PLPPR1: variants seen among roughly 807,000 people sequenced by gnomAD.
PLPPR1 encodes phospholipid phosphatase related 1, also known as phospholipid phosphatase-related protein type 1.
Under a neutral mutation model 33.1 loss-of-function variants are expected in PLPPR1, and 10 were observed. The ratio of observed to expected loss-of-function variants is 0.30; its 90% confidence interval spans 0.19 to 0.51. PLPPR1 has a LOEUF of 0.51. Ranked by LOEUF, PLPPR1 falls within the 20% of genes least tolerant of loss-of-function variation. The probability of loss-of-function intolerance (pLI) is 0.97; values close to 1 mark genes in which losing one functional copy is unlikely to be tolerated. For synonymous variants in PLPPR1, 151 were observed against 151.0 expected (o/e 1.00, Z 0.00); for missense variants, 304 against 408.1 (o/e 0.74, Z 2.20).
chr9:101,252,494 T>C (rs1179510230), intron 2 of PLPPR1, among the ~76,000 whole-genome samples: 1 of 152,108 alleles, frequency 6.6e-6, no homozygotes, highest in Non-Finnish European at 1.5e-5. Context: ...AAAGACATTA[T>C]CTTAGTGGCA....
intron 1 of PLPPR1, among the ~76,000 whole-genome samples, chr9:101,034,713 G>A (rs1192706966): frequency 6.6e-6 from 1 of 151,990 alleles, no homozygotes; most frequent in Non-Finnish European, 1.5e-5. Flanking sequence ...CCTAATAAAT[G>A]GAGAGTATTA....
chr9:101,234,977 A>AT (rs1216272852), intron 2 of PLPPR1, among the ~76,000 whole-genome samples: 2 of 152,002 alleles, frequency 1.3e-5, no homozygotes, highest in South Asian at 2.1e-4. Flanking sequence ...GAGTACAGGG[A>AT]TTTTTTTAAA....
rs111312724 is a variant in PLPPR1 at position 101,203,359 on chromosome 9, G to T, written c.63+17802G>T. ...TATAGGATTTAAGCAGAGACCTTAG[G>T]GGGGGAAAAAGACTTTATGGTCCTT... is the stretch of plus-strand genomic sequence containing the variant. On this transcript the variant is annotated intron_variant, in intron 2 of 7. Transcript: ENST00000374874. 8.5e-3 allele frequency among the ~76,000 whole-genome samples: 1,293 copies of T among 152,144 alleles called. 24 individuals carry two copies. The highest frequency in any genetic ancestry group is 0.027 in the African/African-American group (1,109 of 41,532).
chr9:101,145,254 A>G (rs1358132200), intron 1 of PLPPR1, among the ~76,000 whole-genome samples: 1 of 152,222 alleles, frequency 6.6e-6, no homozygotes, highest in African/African-American at 2.4e-5. Flanking sequence ...AATAGCTAAG[A>G]GAGTAGATTT....
intron 2 of PLPPR1, among the ~76,000 whole-genome samples, chr9:101,211,133 C>T (rs905850617): frequency 2.6e-5 from 4 of 152,106 alleles, no homozygotes; most frequent in African/African-American, 4.8e-5. Context: ...AATTAATGTT[C>T]AGAAAAGATA....
chr9:101,144,586 C>T (rs759327256), intron 1 of PLPPR1, among the ~76,000 whole-genome samples: 1 of 152,066 alleles, frequency 6.6e-6, no homozygotes, highest in Non-Finnish European at 1.5e-5. Context: ...CAGAAAAAAA[C>T]CAAACCTATT....
intron 1 of PLPPR1, chr9:101,125,830 GT>G: frequency 1.6e-6 from 1 of 634,990 alleles, no homozygotes; most frequent in East Asian, 3.2e-5. Context: ...GCTTCATTTT[GT>G]TTTCCACCAA....
At chr9:101,136,854 A>T (rs1463703537) in intron 1 of PLPPR1, among the ~76,000 whole-genome samples, 1 of 152,162 alleles carries the variant, frequency 6.6e-6, no homozygotes, top group African/African-American at 2.4e-5. Flanking sequence ...GGAATGGTTA[A>T]TGGGTCTAAA....
In PLPPR1 at chr9:101,059,901, T is replaced by TA. The variant is rs1830323829; in HGVS notation, c.-46+30800dup. 2.0e-5 allele frequency among the ~76,000 whole-genome samples: 3 copies of TA among 152,162 alleles called. No homozygotes were observed. The South Asian group carries it at 6.2e-4, about 31-fold the overall frequency. On this transcript the variant is annotated intron_variant, in intron 1 of 7. Coordinates refer to ENST00000374874, the MANE Select transcript of PLPPR1 (RefSeq NM_207299.2). ...TTAGTACAGCCATTATGGAAAACAG[T>TA]ATGAAGGTTGCTTTAAAAATTATCT...
intron 1 of PLPPR1, among the ~76,000 whole-genome samples, chr9:101,037,789 A>AT (rs555184964): frequency 5.8e-4 from 78 of 133,842 alleles, no homozygotes; most frequent in East Asian, 1.9e-3. Flanking sequence ...ATCTGTCTGT[A>AT]TTTTTTTTTT....
intron 7 of PLPPR1, among the ~76,000 whole-genome samples, chr9:101,318,066 C>T (rs895313777): frequency 7.2e-5 from 11 of 152,168 alleles, no homozygotes; most frequent in African/African-American, 2.2e-4. Context: ...CATGGTGGCT[C>T]ACACCTGTAA....
At position 101,169,528 on chromosome 9, in the gene PLPPR1, C is replaced by T. The variant is rs192805315; in HGVS notation, c.-45-15922C>T. ...ATTAGTTTATTTTGACATTATCATG[C>T]TTTCTGCTTTCTTCTCAACTGCTTC... On this transcript the variant is annotated intron_variant, in intron 1 of 7. Transcript: ENST00000374874. Among the ~76,000 whole-genome samples, 59 of 152,198 alleles carry T rather than the reference C, an allele frequency of 3.9e-4. No individual in the cohort carries two copies. In the East Asian group the frequency reaches 0.011, roughly 27 times the overall value.
intron 1 of PLPPR1, among the ~76,000 whole-genome samples, chr9:101,134,550 A>T (rs962513472): frequency 1.3e-5 from 2 of 151,666 alleles, no homozygotes; most frequent in African/African-American, 4.8e-5. Context: ...GCCTGGCTAA[A>T]TTTTTTATTT....
intron 3 of PLPPR1, among the ~76,000 whole-genome samples, chr9:101,282,056 T>C (rs1266817117): frequency 1.3e-5 from 2 of 152,198 alleles, no homozygotes; most frequent in Non-Finnish European, 2.9e-5. Context: ...AAGGAGGGAC[T>C]ACTTCCAAAT....
chr9:101,225,410 A>T (rs1827042774), intron 2 of PLPPR1, among the ~76,000 whole-genome samples: 1 of 152,156 alleles, frequency 6.6e-6, no homozygotes, highest in South Asian at 2.1e-4. Flanking sequence ...AACGAGAGCC[A>T]TGCCTCACCT....
intron 1 of PLPPR1, among the ~76,000 whole-genome samples, chr9:101,055,049 CT>C (rs1830265088): frequency 6.6e-6 from 1 of 152,304 alleles, no homozygotes; most frequent in African/African-American, 2.4e-5. Context: ...TAGTTCAGTT[CT>C]TAAAATTCCA....
intron 1 of PLPPR1, among the ~76,000 whole-genome samples, chr9:101,099,915 A>G (rs1189144493): frequency 6.6e-6 from 1 of 152,128 alleles, no homozygotes; most frequent in African/African-American, 2.4e-5. Flanking sequence ...AGAGTTTTCC[A>G]CTAATGTCCA....
intron 2 of PLPPR1, among the ~76,000 whole-genome samples, chr9:101,232,292 T>C (rs1204534840): frequency 6.6e-6 from 1 of 152,046 alleles, no homozygotes; most frequent in African/African-American, 2.4e-5. Flanking sequence ...CTCCTGGTTC[T>C]GCAAAAACTG....
intron 1 of PLPPR1, among the ~76,000 whole-genome samples, chr9:101,040,397 C>T (rs548893145): frequency 6.6e-6 from 1 of 152,150 alleles, no homozygotes; most frequent in African/African-American, 2.4e-5. Context: ...AAGAAACTGT[C>T]CAGCCTCTCC....
Sources: allele counts gnomAD v4.1 joint callset (sites outside exome capture counted in the v4.1 genomes callset), GRCh38; gene constraint gnomAD v4.1.1; transcripts MANE v1.5; gene names NCBI Gene and HGNC (gene_info 2026-07-23, HGNC 2026-07-21).